MCTP1: variants seen among roughly 807,000 people sequenced by gnomAD.
The protein encoded by MCTP1 is multiple C2 and transmembrane domain-containing protein 1.
MCTP1 carries 69 observed loss-of-function variants against 120.6 expected under a neutral mutation model. That is an observed-to-expected ratio of 0.57 (90% CI 0.47 to 0.70). MCTP1 has a LOEUF of 0.70. Ranked by LOEUF, MCTP1 falls within the 30% of genes least tolerant of loss-of-function variation. The pLI, the probability that MCTP1 is intolerant of heterozygous loss-of-function variation, is 0.00. For synonymous variants in MCTP1, 529 were observed against 493.1 expected (o/e 1.07, Z -0.96); for missense variants, 1,203 against 1,248.8 (o/e 0.96, Z 0.55).
chr5:94,714,690 A>G, intron 20 of MCTP1, 87 bp downstream of exon 20: 1 of 818,032 alleles, frequency 1.2e-6, no homozygotes, highest in Non-Finnish European at 2.2e-6. Flanking sequence ...GTCCCCTGCC[A>G]AAAAGAATGT....
chr5:94,779,128 T>A lies in MCTP1; in HGVS notation c.2592A>T (p.Glu864Asp), dbSNP rs938348209. 4.3e-6 allele frequency: 7 copies of A among 1,612,956 alleles called. No homozygotes were observed. The highest frequency in any genetic ancestry group is 1.6e-4 in the Middle Eastern group (1 of 6,078). Residue 864 changes from glutamate to aspartate, a missense_variant, in exon 19 of 23, where the codon GAA (glutamate) becomes GAT (aspartate). Around this residue, in one of 2 missense-constraint regions of MCTP1, gnomAD observed 740 missense variants for 871.1 expected, o/e 0.85. Transcript: ENST00000515393. Reference protein sequence around the residue: ...VEDMLEDEEEEDDKDDKDSEK... With the variant: ...VEDMLEDEEEDDDKDDKDSEK... ...TAATTACCTTGTCATCTTTGTCATC[T>A]TCTTCTTCCTCGTCCTCTAGCATGT...
At chr5:94,984,722 T>C (rs1830146609) in intron 2 of MCTP1, among the ~76,000 whole-genome samples, 3 of 152,216 alleles carry the variant, frequency 2.0e-5, no homozygotes, top group Admixed American at 2.0e-4. Flanking sequence ...CATAAGGTTA[T>C]AGCCTTAAGT....
intron 19 of MCTP1, among the ~76,000 whole-genome samples, chr5:94,720,725 C>A (rs1021366303): frequency 1.5e-4 from 23 of 151,892 alleles, no homozygotes; most frequent in Middle Eastern, 6.3e-3. Context: ...GAATATTTCC[C>A]CAATTTTCTT....
chr5:94,995,946 G>T (rs188419010), intron 2 of MCTP1, among the ~76,000 whole-genome samples: 4 of 152,218 alleles, frequency 2.6e-5, no homozygotes, highest in Admixed American at 1.3e-4. Flanking sequence ...TTTAAATCAA[G>T]ACTTAAAGGT....
intron 19 of MCTP1, among the ~76,000 whole-genome samples, chr5:94,725,097 C>T (rs777734425): frequency 7.9e-5 from 12 of 152,000 alleles, no homozygotes; most frequent in Non-Finnish European, 1.2e-4. Flanking sequence ...TGTGAAAGCA[C>T]GTGAACCTGT....
At chr5:95,149,128 C>A (rs1183396588) in intron 1 of MCTP1, among the ~76,000 whole-genome samples, 1 of 152,156 alleles carries the variant, frequency 6.6e-6, no homozygotes, top group Non-Finnish European at 1.5e-5. Context: ...CTTCTGTGTC[C>A]TGGAGGAGCC....
At chr5:94,942,231 G>C (rs763965995) in intron 4 of MCTP1, 117 bp downstream of exon 4, 51 of 671,046 alleles carry the variant, frequency 7.6e-5, no homozygotes, top group Admixed American at 1.8e-4. Flanking sequence ...AGGCTGACTA[G>C]CAGGAAGGCT....
chr5:94,862,055 G>A (rs968237945), intron 17 of MCTP1, among the ~76,000 whole-genome samples: 13 of 151,742 alleles, frequency 8.6e-5, no homozygotes, highest in African/African-American at 2.9e-4. Context: ...GGTGATATTT[G>A]TAATTTTTTG....
intron 1 of MCTP1, among the ~76,000 whole-genome samples, chr5:95,072,819 C>G (rs1381961844): frequency 6.9e-6 from 1 of 145,420 alleles, no homozygotes; most frequent in African/African-American, 2.6e-5. Context: ...GATCTCGGCT[C>G]ACTGCAAGCT....
chr5:94,771,472 C>A (rs567152574), intron 19 of MCTP1, among the ~76,000 whole-genome samples: 1 of 152,132 alleles, frequency 6.6e-6, no homozygotes, highest in Non-Finnish European at 1.5e-5. Flanking sequence ...CTTCTCTATT[C>A]GCCAATTAAT....
At chr5:94,845,446 G>C (rs940863321) in intron 17 of MCTP1, among the ~76,000 whole-genome samples, 4 of 152,168 alleles carry the variant, frequency 2.6e-5, no homozygotes, top group Non-Finnish European at 5.9e-5. Flanking sequence ...GGGATTATGG[G>C]AGCTACAATT....
intron 1 of MCTP1, among the ~76,000 whole-genome samples, chr5:95,154,505 G>C (rs1348663476): frequency 6.6e-6 from 1 of 152,120 alleles, no homozygotes; most frequent in African/African-American, 2.4e-5. Flanking sequence ...ACAACATAAT[G>C]AGCAAGAGAG....
At chr5:95,007,071 G>C (rs1468341824) in intron 2 of MCTP1, among the ~76,000 whole-genome samples, 2 of 152,058 alleles carry the variant, frequency 1.3e-5, no homozygotes, top group Non-Finnish European at 2.9e-5. Context: ...TGGTGGAAGG[G>C]GAAGCAAACA....
intron 19 of MCTP1, among the ~76,000 whole-genome samples, chr5:94,735,213 A>G (rs1438618917): frequency 6.6e-6 from 1 of 152,192 alleles, no homozygotes. Flanking sequence ...TGTCACAGAC[A>G]TGCCTTCTCT....
At chr5:94,884,024 A>T (rs1335578904) in intron 12 of MCTP1, among the ~76,000 whole-genome samples, 2 of 152,198 alleles carry the variant, frequency 1.3e-5, no homozygotes, top group African/African-American at 4.8e-5. Context: ...CATAATGTTC[A>T]GGGAAAATAT....
intron 18 of MCTP1, among the ~76,000 whole-genome samples, chr5:94,791,059 G>A (rs1353223657): frequency 6.7e-6 from 1 of 149,690 alleles, no homozygotes; most frequent in African/African-American, 2.5e-5. Flanking sequence ...GATCACTTGG[G>A]GTCAGGAGTT....
At chr5:94,814,194 A>T (rs1046381009) in intron 17 of MCTP1, among the ~76,000 whole-genome samples, 2 of 152,212 alleles carry the variant, frequency 1.3e-5, no homozygotes, top group African/African-American at 2.4e-5. Flanking sequence ...CCTGTTCTTT[A>T]TATTTCATTT....
intron 10 of MCTP1, among the ~76,000 whole-genome samples, chr5:94,900,665 A>C (rs1367283037): frequency 6.6e-6 from 1 of 152,240 alleles, no homozygotes; most frequent in East Asian, 1.9e-4. Context: ...GAATGAGCAC[A>C]GATTCTGTGT....
intron 1 of MCTP1, among the ~76,000 whole-genome samples, chr5:95,044,479 G>C (rs1003321611): frequency 2.0e-5 from 3 of 152,118 alleles, no homozygotes; most frequent in African/African-American, 7.2e-5. Context: ...TAGATCAATT[G>C]AGTAGATCAA....
Sources: gnomAD v4.1 joint callset for allele counts (sites outside exome capture counted in the v4.1 genomes callset) on GRCh38, gnomAD v4.1.1 for gene constraint, gnomAD v4.1.1 regional missense constraint, MANE v1.5 for transcripts, NCBI Gene and HGNC (gene_info 2026-07-23, HGNC 2026-07-21) for gene names.